CDHR2: variants seen among roughly 807,000 people sequenced by gnomAD.
The protein encoded by CDHR2 is cadherin-related family member 2.
CDHR2 carries 104 observed loss-of-function variants against 138.6 expected under a neutral mutation model. The ratio of observed to expected loss-of-function variants is 0.75; its 90% confidence interval spans 0.64 to 0.88. CDHR2 has a LOEUF of 0.88. Among genes scored for constraint, CDHR2 ranks in the 40% least tolerant of loss-of-function variants. The probability of loss-of-function intolerance (pLI) is 0.00; values close to 1 mark genes in which losing one functional copy is unlikely to be tolerated. For missense variants in CDHR2, 1,624 were observed against 1,727.6 expected (o/e 0.94, Z 1.06); for synonymous variants, 755 against 742.8 (o/e 1.02, Z -0.27).
At chr5:176,595,204 C>A (rs1327392584) in intron 31 of CDHR2, among the ~76,000 whole-genome samples, 3 of 152,202 alleles carry the variant, frequency 2.0e-5, no homozygotes, top group Non-Finnish European at 4.4e-5. Flanking sequence ...GGGGCAGGAA[C>A]TGCGCTGGGC....
chr5:176,590,274 C>G lies in CDHR2; in HGVS notation c.3297C>G (p.Leu1099=). The G allele has an allele frequency of 1.2e-6, 2 of 1,614,192 alleles. No homozygotes were observed. The highest frequency in any genetic ancestry group is 8.5e-7 in the Non-Finnish European group (1 of 1,180,026). Residue 1099 remains leucine (L), a synonymous_variant, in exon 26 of 32, where the codon CTC becomes CTG. Transcript: ENST00000261944. ...CCAGGGCCCGACCTCACTCCTACCT[C>G]GATGCCTACTTTGTCTTCCCCAATG... ...SAARARPHSY[L]DAYFVFPNGS...
chr5:176,590,172 G>T (rs2113329833), intron 25 of CDHR2, 26 bp downstream of exon 25: 1 of 1,612,224 alleles, frequency 6.2e-7, no homozygotes, highest in Non-Finnish European at 8.5e-7. Flanking sequence ...CCTGGGGGTG[G>T]GGTTGAGGGG....
chr5:176,575,163 G>A lies in CDHR2; in HGVS notation c.575G>A (p.Ser192Asn), dbSNP rs369655476. The A allele has an allele frequency of 2.5e-6, 4 of 1,614,094 alleles. No individual in the cohort carries two copies. In the African/African-American group the frequency reaches 5.3e-5, roughly 22 times the overall value. Residue 192 changes from serine to asparagine, a missense_variant, in exon 8 of 32, where the codon AGC (serine) becomes AAC (asparagine). Transcript: ENST00000261944. ...TCCATAGTCCTCAATGGCAGCCTCAGCTACAACAACAAGAGCGCTTTCTAC... is the reference window on the plus strand; with the variant it reads ...TCCATAGTCCTCAATGGCAGCCTCAACTACAACAACAAGAGCGCTTTCTAC... The part of the protein sequence containing the change: ...NGSIVLNGSL[S>N]YNNKSAFYQL...
rs35355598 is a variant in CDHR2, at chr5:176,589,138, G to T, written c.2964G>T (p.Ser988=). ...CCATCCCTTTCCAGGGTGTCTTCTCGATCTTCACCTCCTCCGAGGCCGACG... is the reference window on the plus strand; with the variant it reads ...CCATCCCTTTCCAGGGTGTCTTCTCTATCTTCACCTCCTCCGAGGCCGACG... ...GATIPFQGVF[S]IFTSSEADVF... The change falls in exon 22 of 32, where the codon TCG becomes TCT. Residue 988 remains serine (S), a synonymous_variant. Transcript: ENST00000261944. The T allele has an allele frequency of 6.2e-7, 1 of 1,613,996 alleles. No individual in the cohort carries two copies.
rs1757760778 is a variant in CDHR2 at position 176,553,716 on chromosome 5, G to A, written c.-16+4302G>A. On this transcript the variant is annotated intron_variant, in intron 1 of 31. Transcript: ENST00000261944. The surrounding 1 kb of genome is among the most constrained non-coding windows in gnomAD (Gnocchi z 4.3). Reference sequence around the variant, plus strand: ...TGCCCAGCTCACCTGCGTCTCCACCGCCAGCCCCGCCACCACCACCATCTC... The same window carrying A: ...TGCCCAGCTCACCTGCGTCTCCACCACCAGCCCCGCCACCACCACCATCTC... Among the ~76,000 whole-genome samples the A allele has an allele frequency of 6.9e-6, 1 of 144,356 alleles. No homozygotes were observed. Among genetic ancestry groups the A allele is most frequent in the African/African-American group, 2.5e-5 (1 of 40,132 alleles). The allele number at this position is 144,356 out of a possible 152,430, so 94.7% of individuals were successfully genotyped here.
At chr5:176,566,690 C>T (rs1178439791) in intron 3 of CDHR2, among the ~76,000 whole-genome samples, 4 of 152,192 alleles carry the variant, frequency 2.6e-5, no homozygotes, top group Non-Finnish European at 4.4e-5. Context: ...ATGGCTCAGA[C>T]GAGAAACCAT....
chr5:176,567,169 G>A (rs1758103956), intron 3 of CDHR2: 11 of 276,458 alleles, frequency 4.0e-5, no homozygotes, highest in South Asian at 2.7e-4. Context: ...GGAGTGCACA[G>A]GACTTTTTTT....
Position 176,568,735 on chromosome 5 carries a change from G to C in CDHR2, c.182G>C (p.Gly61Ala). The change falls in exon 4 of 32, where the codon GGG (glycine) becomes GCG (alanine). Residue 61 changes from glycine to alanine, a missense_variant. By Grantham distance (60) the Gly-to-Ala change is moderately conservative. Around this residue, in one of 3 missense-constraint regions of CDHR2, gnomAD observed 1,061 missense variants for 1,136.6 expected, o/e 0.93. Transcript: ENST00000261944. The part of the protein sequence containing the change: ...EDQDNDPLTY[G>A]MSGPNAYFFA... ...CAGGACAATGACCCTCTGACCTATG[G>C]GATGAGCGGCCCCAATGCCTACTTC... is the stretch of plus-strand genomic sequence containing the variant. 1 of 1,614,228 alleles carries C rather than the reference G, an allele frequency of 6.2e-7. No homozygotes were observed. The highest frequency in any genetic ancestry group is 2.2e-5 in the East Asian group (1 of 44,884).
At chr5:176,586,344 C>T (rs185842956) in intron 20 of CDHR2, among the ~76,000 whole-genome samples, 9 of 152,348 alleles carry the variant, frequency 5.9e-5, no homozygotes, top group East Asian at 5.8e-4. Flanking sequence ...TACAGGCATG[C>T]GCCACCACAC....
intron 16 of CDHR2, among the ~76,000 whole-genome samples, chr5:176,579,661 C>T (rs541086975): frequency 1.3e-5 from 2 of 152,278 alleles, no homozygotes; most frequent in Non-Finnish European, 2.9e-5. Flanking sequence ...TCTCCAGCTG[C>T]TTTCAAAGGA....
intron 1 of CDHR2, among the ~76,000 whole-genome samples, chr5:176,565,044 T>G (rs920116364): frequency 3.9e-5 from 6 of 152,180 alleles, no homozygotes; most frequent in African/African-American, 1.4e-4. Context: ...AGCAGCCACC[T>G]CACAGTTGTG....
At chr5:176,560,823 C>T (rs1023772880) in intron 1 of CDHR2, among the ~76,000 whole-genome samples, 2 of 152,206 alleles carry the variant, frequency 1.3e-5, no homozygotes, top group Admixed American at 6.5e-5. Flanking sequence ...AGATTGTCAG[C>T]CTTCCTGATG....
Position 176,589,623 on chromosome 5 carries a change from C to G in CDHR2, c.3206+7C>G. 1.2e-6 allele frequency: 2 copies of G among 1,613,618 alleles called. No homozygotes were observed. Among genetic ancestry groups the G allele is most frequent in the Non-Finnish European group, 1.7e-6 (2 of 1,179,682 alleles). On this transcript the variant is annotated splice_region_variant and intron_variant, in intron 24 of 31. Transcript: ENST00000261944. ...ACAGACAGGCGATTAATGCGTAGGT[C>G]TGGGGAGCCCCGGAGGGAGGGGTAG...
rs747577042 is a variant in CDHR2, at chr5:176,584,396, C to T, written c.2129-14C>T. The T allele has an allele frequency of 6.3e-7, 1 of 1,599,488 alleles. No homozygotes were observed. Among genetic ancestry groups the T allele is most frequent in the Non-Finnish European group, 8.5e-7 (1 of 1,171,466 alleles). ...GGGTCAGGAGTCCTTCTGAGCTCTG[C>T]CCCTTGTCCACAGGAGTGCTAGTGG... is the stretch of plus-strand genomic sequence containing the variant. On this transcript the variant is annotated splice_polypyrimidine_tract_variant and intron_variant, in intron 18 of 31. Transcript: ENST00000261944.
upstream of CDHR2, among the ~76,000 whole-genome samples, chr5:176,546,488 C>A (rs1757586687): frequency 6.6e-6 from 1 of 152,090 alleles, no homozygotes; most frequent in Non-Finnish European, 1.5e-5. Context: ...TCACCATCAC[C>A]TGCCCAGGTA....
rs1758252059 is a variant in CDHR2, at chr5:176,572,209, C to T, written c.405+907C>T. ...GACCAGCCTGACCAACATGGAGAAA[C>T]CCCGTCTCTACTGAAAAAAAAAAAA... On this transcript the variant is annotated intron_variant, in intron 6 of 31. Coordinates refer to ENST00000261944, the MANE Select transcript of CDHR2 (RefSeq NM_017675.6). 2.1e-5 allele frequency among the ~76,000 whole-genome samples: 3 copies of T among 142,984 alleles called. No homozygotes were observed. The South Asian group carries it at 7.0e-4, about 33-fold the overall frequency. 93.8% of individuals were successfully genotyped at this position (142,984 alleles called of 152,430 possible). A position where few individuals can be genotyped will look rare whatever the true frequency, so the allele number is the denominator to read the frequency against.
At chr5:176,547,801 G>A (rs1757618365), upstream of CDHR2, 1 of 152,162 alleles carries the variant, frequency 6.6e-6, no homozygotes, top group Admixed American at 6.5e-5. Context: ...CCCTTCATCT[G>A]GGTTTCTTCT....
chr5:176,568,866 G>C (rs1396282906), intron 4 of CDHR2, 49 bp downstream of exon 4: 20 of 1,611,898 alleles, frequency 1.2e-5, no homozygotes, highest in Non-Finnish European at 1.6e-5. Context: ...GGGGTGCTGG[G>C]AGGGCCCTGG....
At chr5:176,592,144 GTGATGA>G (rs1243776859) in intron 30 of CDHR2, among the ~76,000 whole-genome samples, 2 of 76,758 alleles carry the variant, frequency 2.6e-5, no homozygotes, top group Non-Finnish European at 5.6e-5. Context: ...GGTGATGATG[GTGATGA>G]TGACAATGAT....
Sources: allele counts gnomAD v4.1 joint callset (sites outside exome capture counted in the v4.1 genomes callset), GRCh38; gene constraint gnomAD v4.1.1; regional missense constraint gnomAD v4.1.1; non-coding constraint Gnocchi (gnomAD v3.1); transcripts MANE v1.5; gene names NCBI Gene and HGNC (gene_info 2026-07-23, HGNC 2026-07-21).